Variants in CEP78 observed in about 807,000 individuals in gnomAD.
CEP78 encodes centrosomal protein 78.
In CEP78, 76 loss-of-function variants were observed where a neutral mutation model predicts 81.2. The observed-to-expected ratio is 0.94, with a 90% confidence interval of 0.78 to 1.13. CEP78 has a LOEUF of 1.13. CEP78 is among the 50% of genes most tolerant of loss of function. The pLI is 0.00. For missense variants in CEP78, 918 were observed against 846.8 expected, an observed-to-expected ratio of 1.08 and a Z score of -1.04; for synonymous variants, 293 against 301.4, an observed-to-expected ratio of 0.97 and a Z score of 0.29.
intron 11 of CEP78, among the ~76,000 whole-genome samples, chr9:78,257,862 G>A (rs1295696791): frequency 2.6e-5 from 4 of 152,086 alleles, no homozygotes; most frequent in Admixed American, 6.6e-5. Context: ...ATCAAGACAA[G>A]GGTTGTAAAC....
chr9:78,244,622 T>G (rs546762338), intron 5 of CEP78, among the ~76,000 whole-genome samples: 1 of 152,370 alleles, frequency 6.6e-6, no homozygotes, highest in South Asian at 2.1e-4. Flanking sequence ...TTTTTCTTTT[T>G]TGATGCAAAT....
rs1267891716 is a variant in CEP78 at position 78,277,230 on chromosome 9, G to A, written c.*6379G>A. ...ATACTGGAAAAAAATTGTAATAAATGTGTAAGAAAGGCATTCCCAACCAAG... is the reference window on the plus strand; with the variant it reads ...ATACTGGAAAAAAATTGTAATAAATATGTAAGAAAGGCATTCCCAACCAAG... On this transcript the variant is annotated 3_prime_UTR_variant, in exon 17 of 17. Coordinates refer to ENST00000643273, the MANE Select transcript of CEP78 (RefSeq NM_001330691.3). 4 of 151,942 alleles carry A rather than the reference G, an allele frequency of 2.6e-5. No homozygotes were observed. The highest frequency in any genetic ancestry group is 9.7e-5 in the African/African-American group (4 of 41,386). 9.4% of individuals were successfully genotyped at this position (151,942 alleles called of 1,614,324 possible).
chr9:78,251,351 T>C (rs1826751015), intron 8 of CEP78, among the ~76,000 whole-genome samples: 1 of 152,202 alleles, frequency 6.6e-6, no homozygotes, highest in Non-Finnish European at 1.5e-5. Context: ...TTTTACATGA[T>C]AAAATTAATC....
At chr9:78,241,670 G>T (rs767178604) in intron 3 of CEP78, 26 bp from the exon 4 acceptor site, 1 of 1,097,788 alleles carries the variant, frequency 9.1e-7, no homozygotes, top group Non-Finnish European at 1.4e-6. Context: ...TCATCTTATT[G>T]TATGTGGTTT....
Position 78,240,128 on chromosome 9 carries a change from G to T in CEP78, c.359G>T (p.Ser120Ile), listed in dbSNP as rs770440873. Residue 120 changes from serine to isoleucine, a missense_variant, in exon 2 of 17, where the codon AGT becomes ATT. By Grantham distance (142) the Ser-to-Ile change is moderately radical (BLOSUM62 -2). Coordinates refer to ENST00000643273, the MANE Select transcript of CEP78 (RefSeq NM_001330691.3). Reference protein sequence around the residue: ...KALKGCLSISSVLKNLELNGL... With the variant: ...KALKGCLSISIVLKNLELNGL... The stretch of plus-strand genomic sequence containing the variant: ...CTTAAAGGCTGTTTAAGTATATCAA[G>T]TGTGCTAAAGAACCTGGAGCTAAAT... 2.5e-6 allele frequency: 4 copies of T among 1,589,228 alleles called. No homozygotes were observed. The highest frequency in any genetic ancestry group is 3.4e-6 in the Non-Finnish European group (4 of 1,173,750).
At chr9:78,244,176 G>A (rs1273212843) in intron 5 of CEP78, among the ~76,000 whole-genome samples, 10 of 106,328 alleles carry the variant, frequency 9.4e-5, no homozygotes, top group African/African-American at 3.7e-4. Context: ...GTCTTTCTCT[G>A]TTGCCCAGGC....
rs1826339406 is a variant in CEP78 at position 78,243,655 on chromosome 9, TAAGGTGGAAA to T, written c.778+21_778+30del. ...CTGAGAGGTAAGTTAAATGAACTTG[TAAGGTGGAAA>T]ATATTGAATTTTTTGATATTAAATA... is the stretch of plus-strand genomic sequence containing the variant. On this transcript the variant is annotated intron_variant, in intron 5 of 16. Coordinates refer to ENST00000643273, the MANE Select transcript of CEP78 (RefSeq NM_001330691.3). The T allele has an allele frequency of 6.2e-7, 1 of 1,604,598 alleles. No individual in the cohort carries two copies.
At chr9:78,238,825 G>A (rs72743754) in intron 1 of CEP78, among the ~76,000 whole-genome samples, 6,724 of 152,186 alleles carry the variant, frequency 0.044, 258 homozygotes, top group Admixed American at 0.14. Flanking sequence ...GAGGCCAGGA[G>A]TTTGTGACTG....
rs571545205 is a variant in CEP78 at position 78,278,141 on chromosome 9, A to G, written c.*7290A>G. The G allele has an allele frequency of 6.6e-6, 1 of 152,270 alleles. No homozygotes were observed. Among genetic ancestry groups the G allele is most frequent in the African/African-American group, 2.4e-5 (1 of 41,560 alleles). The allele number at this position is 152,270 out of a possible 1,614,324, so 9.4% of individuals were successfully genotyped here. ...CTCACATTTTACTCCATTTAATTCT[A>G]GGTTGTTTGGTTTAAAAAAAAAGTT... On this transcript the variant is annotated 3_prime_UTR_variant, in exon 17 of 17. Coordinates refer to ENST00000643273, the MANE Select transcript of CEP78 (RefSeq NM_001330691.3).
intron 3 of CEP78, 57 bp downstream of exon 3, chr9:78,240,421 C>A: frequency 4.4e-6 from 6 of 1,369,012 alleles, no homozygotes; most frequent in South Asian, 1.2e-5. Flanking sequence ...TGTTTCCCTA[C>A]ATGCCATGTT....
intron 5 of CEP78, among the ~76,000 whole-genome samples, chr9:78,243,968 C>T (rs1826359369): frequency 6.6e-6 from 1 of 151,776 alleles, no homozygotes; most frequent in African/African-American, 2.4e-5. Context: ...CATTTTGTAA[C>T]CCTGCTTTTT....
Position 78,251,058 on chromosome 9 carries a change from T to C in CEP78, c.1070-850T>C, listed in dbSNP as rs569201185. Among the ~76,000 whole-genome samples the C allele has an allele frequency of 1.4e-3, 209 of 152,344 alleles. 1 individual carries two copies. Among genetic ancestry groups the C allele is most frequent in the African/African-American group, 4.7e-3 (196 of 41,586 alleles). ...AACCGTTTTAATAAAGTTATATTAT[T>C]TGTTCTCAGTGATATCAGAAACAAT... On this transcript the variant is annotated intron_variant, in intron 8 of 16. Coordinates refer to ENST00000643273, the MANE Select transcript of CEP78 (RefSeq NM_001330691.3).
chr9:78,246,460 C>T (rs112102362), intron 5 of CEP78, among the ~76,000 whole-genome samples: 5 of 152,232 alleles, frequency 3.3e-5, no homozygotes, highest in African/African-American at 1.2e-4. Flanking sequence ...ATTAGCCATG[C>T]GTGGTGGCGG....
intron 8 of CEP78, 100 bp downstream of exon 8, chr9:78,248,973 T>C: frequency 1.9e-6 from 1 of 533,398 alleles, no homozygotes; most frequent in Non-Finnish European, 3.3e-6. Context: ...ACAACCAATA[T>C]TGACTCCGTG....
At position 78,236,460 on chromosome 9, in the gene CEP78, G is replaced by A. The variant is rs1282438488; in HGVS notation, c.110G>A (p.Cys37Tyr). The A allele has an allele frequency of 3.7e-6, 6 of 1,606,024 alleles. No homozygotes were observed. In the South Asian group the frequency reaches 6.7e-5, roughly 18 times the overall value. The change falls in exon 1 of 17, where the codon TGT (cysteine) becomes TAT (tyrosine). Residue 37 changes from cysteine (C) to tyrosine (Y), a missense_variant. Transcript: ENST00000643273. The part of the protein sequence containing the change: ...NSVPLPAVRA[C>Y]LREGVLDFNA... ...GTGCCGCTGCCCGCCGTGCGCGCCT[G>A]TCTCCGGGAGGGCGTGCTGGATTTC...
chr9:78,255,017 A>G, intron 11 of CEP78, 53 bp downstream of exon 11: 1 of 1,517,174 alleles, frequency 6.6e-7, no homozygotes. Flanking sequence ...AACTCTAGTT[A>G]GTTTTTGGTG....
chr9:78,268,276 G>T (rs1211436452), intron 16 of CEP78, among the ~76,000 whole-genome samples: 2 of 152,166 alleles, frequency 1.3e-5, no homozygotes, highest in Non-Finnish European at 2.9e-5. Context: ...ATGAGCAGAA[G>T]TACAGAGCCG....
chr9:78,237,269 C>T (rs1364660821), intron 1 of CEP78, among the ~76,000 whole-genome samples: 2 of 152,054 alleles, frequency 1.3e-5, no homozygotes, highest in African/African-American at 2.4e-5. Context: ...GCATGAGCCA[C>T]CGCGCCCGGC....
chr9:78,252,443 G>C (rs1324522338), intron 9 of CEP78, among the ~76,000 whole-genome samples: 3 of 152,174 alleles, frequency 2.0e-5, no homozygotes, highest in Non-Finnish European at 1.5e-5. Context: ...GTGTTGATTA[G>C]ACTTAATCTA....
Sources: gnomAD v4.1 joint callset for allele counts (sites outside exome capture counted in the v4.1 genomes callset) on GRCh38, gnomAD v4.1.1 for gene constraint, MANE v1.5 for transcripts, NCBI Gene and HGNC (gene_info 2026-07-23, HGNC 2026-07-21) for gene names.